TCAIM: variants seen among roughly 807,000 people sequenced by gnomAD.
TCAIM encodes T-cell activation inhibitor, mitochondrial.
In TCAIM, 36 loss-of-function variants were observed where a neutral mutation model predicts 58.6. The observed-to-expected ratio is 0.61, with a 90% CI of 0.47 to 0.81. The LOEUF (loss-of-function observed/expected upper bound fraction) is 0.81. TCAIM is among the 30% of genes least tolerant of loss of function. The pLI, the probability that TCAIM is intolerant of heterozygous loss-of-function variation, is 0.00. For missense variants in TCAIM, 466 were observed against 579.6 expected (o/e 0.80, Z 2.01); for synonymous variants, 172 against 193.6 (o/e 0.89, Z 0.93).
At chr3:44,404,272 C>T (rs1382353364) in intron 10 of TCAIM, among the ~76,000 whole-genome samples, 1 of 152,118 alleles carries the variant, frequency 6.6e-6, no homozygotes, top group Non-Finnish European at 1.5e-5. Flanking sequence ...TCCACCTCAG[C>T]AAATTTGCTG....
At chr3:44,356,635 T>TA (rs1022754419) in intron 2 of TCAIM, among the ~76,000 whole-genome samples, 6 of 151,874 alleles carry the variant, frequency 4.0e-5, no homozygotes, top group African/African-American at 1.5e-4. Context: ...ACCGTACTTT[T>TA]AAAAAACACT....
intron 5 of TCAIM, among the ~76,000 whole-genome samples, chr3:44,390,507 C>T (rs1045088923): frequency 6.6e-6 from 1 of 152,110 alleles, no homozygotes; most frequent in Non-Finnish European, 1.5e-5. Context: ...CTTGTAGTCC[C>T]AGCTACTAGA....
At chr3:44,378,624 A>G (rs945705061) in intron 5 of TCAIM, among the ~76,000 whole-genome samples, 2 of 151,984 alleles carry the variant, frequency 1.3e-5, no homozygotes, top group Non-Finnish European at 2.9e-5. Flanking sequence ...CAGCCTGGCC[A>G]ACATGGTGAA....
intron 4 of TCAIM, among the ~76,000 whole-genome samples, chr3:44,364,643 A>G (rs1465677138): frequency 6.6e-6 from 1 of 151,826 alleles, no homozygotes; most frequent in Non-Finnish European, 1.5e-5. Context: ...TCGAGAGCCT[A>G]AGGTAGGAGA....
At chr3:44,364,218 C>T (rs1305316598) in intron 4 of TCAIM, among the ~76,000 whole-genome samples, 1 of 149,830 alleles carries the variant, frequency 6.7e-6, no homozygotes, top group Non-Finnish European at 1.5e-5. Context: ...TGAGCCACCG[C>T]ACCTGGCTGA....
At chr3:44,362,723 A>G (rs1250450280) in intron 4 of TCAIM, 1 of 275,910 alleles carries the variant, frequency 3.6e-6, no homozygotes, top group Non-Finnish European at 6.7e-6. Flanking sequence ...TAAATAATGA[A>G]TAATAAGCAT....
chr3:44,381,485 T>C (rs770233461), intron 5 of TCAIM, among the ~76,000 whole-genome samples: 1 of 152,050 alleles, frequency 6.6e-6, no homozygotes, highest in Non-Finnish European at 1.5e-5. Flanking sequence ...GGAAACTACA[T>C]CAACATAATA....
At chr3:44,395,944 A>T (rs1295602357) in intron 6 of TCAIM, among the ~76,000 whole-genome samples, 1 of 152,210 alleles carries the variant, frequency 6.6e-6, no homozygotes, top group African/African-American at 2.4e-5. Flanking sequence ...CCGTGATTAC[A>T]CCACTGCACT....
At position 44,359,072 on chromosome 3, in the gene TCAIM, C is replaced by T. The variant is rs1701252385; in HGVS notation, c.165+1196C>T. ...TAGTAATACTTTAATATTATTCTAC[C>T]AATGTATTTTTTTTAATTAAGACTT... On this transcript the variant is annotated intron_variant, in intron 3 of 10. Coordinates refer to ENST00000342649, the MANE Select transcript of TCAIM (RefSeq NM_173826.4). 3 of 982,914 alleles carry T rather than the reference C, an allele frequency of 3.1e-6. No homozygotes were observed. In the South Asian group the frequency reaches 1.4e-4, roughly 46 times the overall value. 60.9% of individuals were successfully genotyped at this position (982,914 alleles called of 1,614,324 possible). A position where few individuals can be genotyped will look rare whatever the true frequency, so the allele number is the denominator to read the frequency against.
At chr3:44,399,315 A>G (rs1215268771) in intron 8 of TCAIM, among the ~76,000 whole-genome samples, 1 of 152,226 alleles carries the variant, frequency 6.6e-6, no homozygotes, top group Non-Finnish European at 1.5e-5. Context: ...TGTAGTTACC[A>G]TATATACATG....
At chr3:44,365,040 G>T (rs1701352109) in intron 4 of TCAIM, among the ~76,000 whole-genome samples, 1 of 152,020 alleles carries the variant, frequency 6.6e-6, no homozygotes, top group Admixed American at 6.5e-5. Context: ...CTCTTATGTT[G>T]GATTAAATAA....
At chr3:44,370,455 C>CAAA (rs60988313) in intron 5 of TCAIM, among the ~76,000 whole-genome samples, 1 of 88,270 alleles carries the variant, frequency 1.1e-5, no homozygotes. Flanking sequence ...GACTCTGTCT[C>CAAA]AAAAAAAAAA....
intron 5 of TCAIM, among the ~76,000 whole-genome samples, chr3:44,384,635 C>T (rs1170399766): frequency 6.6e-6 from 1 of 152,176 alleles, no homozygotes; most frequent in African/African-American, 2.4e-5. Context: ...GGCTTACTTC[C>T]AGTTTTCATA....
At chr3:44,394,840 G>A (rs1172785670) in intron 6 of TCAIM, among the ~76,000 whole-genome samples, 35 of 132,704 alleles carry the variant, frequency 2.6e-4, no homozygotes, top group African/African-American at 9.8e-4. Context: ...GTTGCAGTGA[G>A]CCGAGATCAC....
intron 3 of TCAIM, among the ~76,000 whole-genome samples, chr3:44,360,111 C>T (rs1416623990): frequency 6.6e-6 from 1 of 152,078 alleles, no homozygotes; most frequent in Non-Finnish European, 1.5e-5. Flanking sequence ...TTTAAAACTA[C>T]CCTATTTTAA....
intron 5 of TCAIM, among the ~76,000 whole-genome samples, chr3:44,381,735 G>C (rs1197702740): frequency 6.6e-6 from 1 of 152,116 alleles, no homozygotes; most frequent in Non-Finnish European, 1.5e-5. Context: ...AGAAAACTCT[G>C]CAGATTCCAC....
In TCAIM at chr3:44,348,910, T is replaced by A. The variant is rs1387112637; in HGVS notation, c.-44-5829T>A. ...GGAGCATTAACCTTGACTATGCCTT[T>A]AGCTCCAGCCACCTCTTTAAGAGGA... On this transcript the variant is annotated intron_variant, in intron 1 of 10. Coordinates refer to ENST00000342649, the MANE Select transcript of TCAIM (RefSeq NM_173826.4). Among the ~76,000 whole-genome samples the A allele has an allele frequency of 3.9e-5, 6 of 152,162 alleles. No individual in the cohort carries two copies. The South Asian group carries it at 1.2e-3, about 32-fold the overall frequency.
intron 6 of TCAIM, among the ~76,000 whole-genome samples, chr3:44,395,120 C>T (rs982738921): frequency 6.6e-6 from 1 of 150,754 alleles, no homozygotes; most frequent in African/African-American, 2.4e-5. Flanking sequence ...CATTGTTTTT[C>T]ATTCTAAACA....
chr3:44,350,577 A>G (rs145792485), intron 1 of TCAIM, among the ~76,000 whole-genome samples: 140 of 152,044 alleles, frequency 9.2e-4, no homozygotes, highest in African/African-American at 3.2e-3. Context: ...GCAACAGACA[A>G]ACAACACTAC....
Sources: allele counts gnomAD v4.1 joint callset (sites outside exome capture counted in the v4.1 genomes callset), GRCh38; gene constraint gnomAD v4.1.1; transcripts MANE v1.5; gene names NCBI Gene and HGNC (gene_info 2026-07-23, HGNC 2026-07-21).